The following L3MBTL4 variants were observed in gnomAD, a reference collection of about 807,000 sequenced individuals.
L3MBTL4 encodes L3MBTL histone methyl-lysine binding protein 4, also known as lethal(3)malignant brain tumor-like protein 4.
Under a neutral mutation model 84.5 loss-of-function variants are expected in L3MBTL4, and 70 were observed. The observed-to-expected ratio is 0.83, with a 90% CI of 0.68 to 1.01. The LOEUF (loss-of-function observed/expected upper bound fraction) is 1.01, where lower values mean the gene tolerates loss of function less well. Ranked by LOEUF, L3MBTL4 falls within the 50% of genes least tolerant of loss-of-function variation. The pLI, the probability that L3MBTL4 is intolerant of heterozygous loss-of-function variation, is 0.00. For synonymous variants in L3MBTL4, 274 were observed against 259.8 expected (o/e 1.05, Z -0.52); for missense variants, 715 against 754.8 (o/e 0.95, Z 0.62).
intron 16 of L3MBTL4, among the ~76,000 whole-genome samples, chr18:5,975,089 C>A (rs930358948): frequency 6.6e-6 from 1 of 152,074 alleles, no homozygotes; most frequent in Non-Finnish European, 1.5e-5. Context: ...CCATCCTTCC[C>A]ACCTCTGCTC....
intron 1 of L3MBTL4, among the ~76,000 whole-genome samples, chr18:6,345,615 C>T (rs993471510): frequency 2.6e-5 from 4 of 151,420 alleles, no homozygotes; most frequent in Non-Finnish European, 5.9e-5. Context: ...ATAAATTTAA[C>T]CAAGAGGGTG....
At chr18:6,096,150 T>C (rs2143736539) in intron 14 of L3MBTL4, among the ~76,000 whole-genome samples, 1 of 151,180 alleles carries the variant, frequency 6.6e-6, no homozygotes, top group East Asian at 1.9e-4. Context: ...TCCTAAGGCT[T>C]ACTTATCTGT....
chr18:6,025,131 A>T (rs1182306535), intron 16 of L3MBTL4: 2 of 152,246 alleles, frequency 1.3e-5, no homozygotes, highest in Non-Finnish European at 2.9e-5. Context: ...GAAAACAAGC[A>T]TCCTGGTTCT....
intron 16 of L3MBTL4, among the ~76,000 whole-genome samples, chr18:6,063,263 T>C (rs1033171695): frequency 2.6e-5 from 4 of 151,674 alleles, no homozygotes; most frequent in African/African-American, 9.7e-5. Context: ...GTTAGTACTA[T>C]ATCTTTGCAA....
At chr18:6,115,644 T>G (rs754142539) in intron 14 of L3MBTL4, among the ~76,000 whole-genome samples, 3 of 152,150 alleles carry the variant, frequency 2.0e-5, no homozygotes, top group Non-Finnish European at 4.4e-5. Flanking sequence ...GCCGAGCACA[T>G]TTAAATGTGT....
At chr18:6,405,347 A>G (rs2055683338) in intron 1 of L3MBTL4, among the ~76,000 whole-genome samples, 1 of 152,194 alleles carries the variant, frequency 6.6e-6, no homozygotes, top group African/African-American at 2.4e-5. Flanking sequence ...GCGCAATGCG[A>G]TCCAGCTGAC....
chr18:6,141,045 A>G (rs1225415680), intron 13 of L3MBTL4, among the ~76,000 whole-genome samples: 2 of 149,658 alleles, frequency 1.3e-5, no homozygotes, highest in African/African-American at 2.4e-5. Flanking sequence ...GAACTATGGA[A>G]TACTCACCTA....
At chr18:6,238,552 T>C (rs1273441667) in intron 9 of L3MBTL4, among the ~76,000 whole-genome samples, 1 of 151,830 alleles carries the variant, frequency 6.6e-6, no homozygotes, top group Non-Finnish European at 1.5e-5. Flanking sequence ...AAGTATAAAA[T>C]TAACAGAGGA....
intron 1 of L3MBTL4, among the ~76,000 whole-genome samples, chr18:6,315,558 C>A (rs1404187031): frequency 6.6e-6 from 1 of 152,210 alleles, no homozygotes; most frequent in Non-Finnish European, 1.5e-5. Context: ...GGTTAAGTAA[C>A]TTGTCCAAGG....
rs377108659 is a variant in L3MBTL4, at chr18:6,343,619, A to G, written c.-90-31563T>C. Among the ~76,000 whole-genome samples the G allele has an allele frequency of 1.1e-4, 16 of 149,474 alleles. No homozygotes were observed. In the South Asian group the frequency reaches 1.3e-3, roughly 12 times the overall value. On this transcript the variant is annotated intron_variant, in intron 1 of 18. Coordinates refer to ENST00000317931, the MANE Select transcript of L3MBTL4 (RefSeq NM_001330559.2). ...AGAGCTTGCAGCGAGTCAAGATCGCACCACTGCACTCCAGCCTTGGCAACA... is the reference window on the plus strand; with the variant it reads ...AGAGCTTGCAGCGAGTCAAGATCGCGCCACTGCACTCCAGCCTTGGCAACA...
chr18:6,380,230 G>A (rs1437049259), intron 1 of L3MBTL4, among the ~76,000 whole-genome samples: 1 of 152,022 alleles, frequency 6.6e-6, no homozygotes, highest in African/African-American at 2.4e-5. Flanking sequence ...AGTCTGGCTA[G>A]CAGTCTATCT....
chr18:6,174,069 A>T lies in L3MBTL4; in HGVS notation c.982-2127T>A, dbSNP rs1228294466. Among the ~76,000 whole-genome samples the T allele has an allele frequency of 5.3e-5, 8 of 152,114 alleles. 1 individual carries two copies. Among genetic ancestry groups the T allele is most frequent in the Non-Finnish European group, 8.8e-5 (6 of 68,010 alleles). ...AATAATTACTCATGAACAACCCTAAAAAAGGGGTAAAATCAAGCCTTAGCC... is the reference window on the plus strand; with the variant it reads ...AATAATTACTCATGAACAACCCTAATAAAGGGGTAAAATCAAGCCTTAGCC... On this transcript the variant is annotated intron_variant, in intron 12 of 18. Coordinates refer to ENST00000317931, the MANE Select transcript of L3MBTL4 (RefSeq NM_001330559.2).
At chr18:6,365,436 T>G (rs2053893075) in intron 1 of L3MBTL4, among the ~76,000 whole-genome samples, 1 of 152,252 alleles carries the variant, frequency 6.6e-6, no homozygotes, top group Admixed American at 6.5e-5. Flanking sequence ...ATGCTCTAAC[T>G]TATTCTGTCT....
At chr18:6,278,494 T>G (rs149429569) in intron 4 of L3MBTL4, among the ~76,000 whole-genome samples, 32 of 152,356 alleles carry the variant, frequency 2.1e-4, no homozygotes, top group African/African-American at 6.5e-4. Flanking sequence ...GGATTATATT[T>G]GCCAATATCT....
At chr18:6,322,502 G>GAAGGAAGC (rs1190649940) in intron 1 of L3MBTL4, among the ~76,000 whole-genome samples, 22 of 135,870 alleles carry the variant, frequency 1.6e-4, no homozygotes, top group African/African-American at 6.6e-4. Context: ...AGGAAGGAAG[G>GAAGGAAGC]AAAGAAGGAA....
At chr18:5,984,501 GAA>G (rs1449719891) in intron 16 of L3MBTL4, among the ~76,000 whole-genome samples, 4 of 152,134 alleles carry the variant, frequency 2.6e-5, no homozygotes, top group African/African-American at 9.7e-5. Context: ...GAAATCCAAA[GAA>G]AATGTTAAAT....
intron 15 of L3MBTL4, among the ~76,000 whole-genome samples, chr18:6,088,363 G>A (rs2058330783): frequency 6.6e-6 from 1 of 152,274 alleles, no homozygotes; most frequent in Middle Eastern, 3.4e-3. Flanking sequence ...ATTGCAATAA[G>A]TGTTAGAAAT....
At chr18:6,350,658 G>C (rs534018914) in intron 1 of L3MBTL4, among the ~76,000 whole-genome samples, 6 of 152,072 alleles carry the variant, frequency 3.9e-5, no homozygotes, top group Admixed American at 3.9e-4. Flanking sequence ...TATAGAAAAC[G>C]GTATGGTGGT....
At chr18:6,338,120 T>G (rs2143404693) in intron 1 of L3MBTL4, among the ~76,000 whole-genome samples, 1 of 151,656 alleles carries the variant, frequency 6.6e-6, no homozygotes, top group African/African-American at 2.4e-5. Context: ...AAACAAAAAC[T>G]TTAACAATCC....
Sources: allele counts gnomAD v4.1 joint callset (sites outside exome capture counted in the v4.1 genomes callset), GRCh38; gene constraint gnomAD v4.1.1; transcripts MANE v1.5; gene names NCBI Gene and HGNC (gene_info 2026-07-23, HGNC 2026-07-21).